Variants in GRIK2 observed in about 807,000 individuals in gnomAD.
The protein encoded by GRIK2 is glutamate ionotropic receptor kainate type subunit 2.
A neutral mutation model predicts 100.3 loss-of-function variants in GRIK2; 32 were observed. The ratio of observed to expected loss-of-function variants is 0.32; its 90% CI spans 0.24 to 0.43. GRIK2 has a LOEUF of 0.43. Ranked by LOEUF, GRIK2 falls within the 20% of genes least tolerant of loss-of-function variation. The pLI, the probability that GRIK2 is intolerant of heterozygous loss-of-function variation, is 1.00. For synonymous variants in GRIK2, 417 were observed against 389.4 expected (o/e 1.07, Z -0.83); for missense variants, 843 against 1,114.9 (o/e 0.76, Z 3.47).
chr6:101,814,364 A>G (rs1781508440), intron 9 of GRIK2, among the ~76,000 whole-genome samples: 1 of 152,156 alleles, frequency 6.6e-6, no homozygotes, highest in African/African-American at 2.4e-5. Context: ...CAGCAAATGC[A>G]AAGAAACAAA....
chr6:101,596,143 A>T (rs972592472), intron 2 of GRIK2, among the ~76,000 whole-genome samples: 1 of 150,790 alleles, frequency 6.6e-6, no homozygotes, highest in African/African-American at 2.4e-5. Flanking sequence ...CCTTTGGGTT[A>T]TCATGCCACC....
intron 2 of GRIK2, among the ~76,000 whole-genome samples, chr6:101,405,860 C>T (rs1303206580): frequency 1.3e-5 from 2 of 152,210 alleles, no homozygotes; most frequent in Non-Finnish European, 2.9e-5. Context: ...TCTAGAATAA[C>T]ATGAAACCAA....
chr6:101,467,609 A>C (rs1771714190), intron 2 of GRIK2, among the ~76,000 whole-genome samples: 1 of 152,202 alleles, frequency 6.6e-6, no homozygotes, highest in Admixed American at 6.5e-5. Context: ...TGTTACTGCT[A>C]TAGTGGGAAG....
Position 101,462,059 on chromosome 6 carries a change from T to C in GRIK2, c.115+62667T>C, listed in dbSNP as rs189826175. Among the ~76,000 whole-genome samples, 415 of 152,304 alleles carry C rather than the reference T, an allele frequency of 2.7e-3. 1 individual carries two copies. Among genetic ancestry groups the C allele is most frequent in the Non-Finnish European group, 4.4e-3 (297 of 68,028 alleles). On this transcript the variant is annotated intron_variant, in intron 2 of 16. Coordinates refer to ENST00000369134, the MANE Select transcript of GRIK2 (RefSeq NM_021956.5). ...GATCTTGGGGAATTTATGTAACCTA[T>C]CTGTGCTTAATTTTGCTCAAGTGAA... is the stretch of plus-strand genomic sequence containing the variant.
chr6:101,549,419 C>T (rs1776404662), intron 2 of GRIK2, among the ~76,000 whole-genome samples: 1 of 151,918 alleles, frequency 6.6e-6, no homozygotes, highest in African/African-American at 2.4e-5. Context: ...TCATGGTGGG[C>T]TCATTGGCAG....
At chr6:101,652,459 A>C (rs1781846606) in intron 4 of GRIK2, among the ~76,000 whole-genome samples, 1 of 152,136 alleles carries the variant, frequency 6.6e-6, no homozygotes, top group South Asian at 2.1e-4. Flanking sequence ...TGTTGTGTAT[A>C]AGCCATCCAG....
At chr6:101,876,304 G>T (rs12660708) in intron 11 of GRIK2, among the ~76,000 whole-genome samples, 1 of 151,392 alleles carries the variant, frequency 6.6e-6, no homozygotes, top group Non-Finnish European at 1.5e-5. Flanking sequence ...TCTTACCTTA[G>T]GACCTAAATA....
At chr6:101,496,656 ATATAACT>A (rs756548025) in intron 2 of GRIK2, among the ~76,000 whole-genome samples, 2 of 152,216 alleles carry the variant, frequency 1.3e-5, no homozygotes, top group African/African-American at 2.4e-5. Context: ...CACCCATGAA[ATATAACT>A]TATAACTTTC....
At chr6:101,748,428 GC>G (rs1213737071) in intron 7 of GRIK2, among the ~76,000 whole-genome samples, 2 of 152,012 alleles carry the variant, frequency 1.3e-5, no homozygotes, top group African/African-American at 4.8e-5. Context: ...TTCTGGGACA[GC>G]TAAAAGACAT....
At chr6:101,704,087 A>C (rs1042461653) in intron 7 of GRIK2, among the ~76,000 whole-genome samples, 2 of 151,744 alleles carry the variant, frequency 1.3e-5, no homozygotes, top group Non-Finnish European at 2.9e-5. Context: ...TTCTGGGTTT[A>C]TGGCCCACTT....
intron 7 of GRIK2, among the ~76,000 whole-genome samples, chr6:101,720,121 C>T (rs1222130407): frequency 6.6e-6 from 1 of 151,574 alleles, no homozygotes; most frequent in Non-Finnish European, 1.5e-5. Flanking sequence ...TGCACCCCCT[C>T]GTTTGTGTCA....
At chr6:102,064,367 T>TTCC (rs1771905526) in intron 16 of GRIK2, among the ~76,000 whole-genome samples, 3 of 128,914 alleles carry the variant, frequency 2.3e-5, no homozygotes, top group East Asian at 4.7e-4. Context: ...TCCTTCCTTC[T>TTCC]TTCTTTCTTT....
Position 102,069,250 on chromosome 6 carries a change from T to G in GRIK2, c.*739T>G, listed in dbSNP as rs1229119129. ...AGATTTAACATGCAATTCTACCAGA[T>G]CCCTTCCTATTCCCCCAACACCTTT... is the stretch of plus-strand genomic sequence containing the variant. On this transcript the variant is annotated 3_prime_UTR_variant, in exon 17 of 17. Coordinates refer to ENST00000369134, the MANE Select transcript of GRIK2 (RefSeq NM_021956.5). 1 of 147,966 alleles carries G rather than the reference T, an allele frequency of 6.8e-6. No homozygotes were observed. Among genetic ancestry groups the G allele is most frequent in the Non-Finnish European group, 1.5e-5 (1 of 67,146 alleles). The allele number at this position is 147,966 out of a possible 1,614,324, so 9.2% of individuals were successfully genotyped here. A position where few individuals can be genotyped will look rare whatever the true frequency, so the allele number is the denominator to read the frequency against.
At chr6:101,774,501 A>G (rs1778615234) in intron 7 of GRIK2, among the ~76,000 whole-genome samples, 1 of 152,210 alleles carries the variant, frequency 6.6e-6, no homozygotes, top group Admixed American at 6.5e-5. Flanking sequence ...TAGAGAGTTC[A>G]TTAACAATCT....
At chr6:101,840,231 C>G (rs1410296484) in intron 10 of GRIK2, among the ~76,000 whole-genome samples, 2 of 152,136 alleles carry the variant, frequency 1.3e-5, no homozygotes, top group African/African-American at 4.8e-5. Context: ...GTCTGGCTCA[C>G]AAGTTCTTTA....
chr6:101,852,445 T>A (rs1037902085), intron 10 of GRIK2, among the ~76,000 whole-genome samples: 1 of 152,082 alleles, frequency 6.6e-6, no homozygotes, highest in African/African-American at 2.4e-5. Context: ...CTGTCTCAAT[T>A]TTTTTCCTTC....
intron 7 of GRIK2, among the ~76,000 whole-genome samples, chr6:101,692,404 G>T (rs1477679399): frequency 6.6e-6 from 1 of 152,036 alleles, no homozygotes; most frequent in African/African-American, 2.4e-5. Flanking sequence ...ACTGTGTATT[G>T]TATGCAGCAC....
At chr6:101,546,595 A>G (rs1039625281) in intron 2 of GRIK2, among the ~76,000 whole-genome samples, 1 of 152,158 alleles carries the variant, frequency 6.6e-6, no homozygotes, top group South Asian at 2.1e-4. Context: ...GAGGATAACA[A>G]TAGTTCTTAC....
rs374214267 is a variant in GRIK2, at chr6:101,480,453, T to TA, written c.115+81071dup. ...TCCTATCTTTCTCTTTTGTCAGGAT[T>TA]AAAAAAAAAATCTCATTTTTCTACT... On this transcript the variant is annotated intron_variant, in intron 2 of 16. Coordinates refer to ENST00000369134, the MANE Select transcript of GRIK2 (RefSeq NM_021956.5). Among the ~76,000 whole-genome samples, 113 of 150,484 alleles carry TA rather than the reference T, an allele frequency of 7.5e-4. 2 individuals carry two copies. Among genetic ancestry groups the TA allele is most frequent in the Non-Finnish European group, 3.1e-4 (21 of 67,388 alleles).
Sources: allele counts gnomAD v4.1 joint callset (sites outside exome capture counted in the v4.1 genomes callset), GRCh38; gene constraint gnomAD v4.1.1; transcripts MANE v1.5; gene names NCBI Gene and HGNC (gene_info 2026-07-23, HGNC 2026-07-21).